NTM: variants seen among roughly 807,000 people sequenced by gnomAD.
NTM encodes the protein neurotrimin.
Under a neutral mutation model 42.1 loss-of-function variants are expected in NTM, and 13 were observed. That is an observed-to-expected ratio of 0.31 (90% CI 0.20 to 0.49). The LOEUF (loss-of-function observed/expected upper bound fraction) is 0.49, where lower values mean the gene tolerates loss of function less well. Ranked by LOEUF, NTM falls within the 20% of genes least tolerant of loss-of-function variation. NTM has a pLI of 0.99. For missense variants in NTM, 373 were observed against 452.8 expected, an observed-to-expected ratio of 0.82 and a Z score of 1.60; for synonymous variants, 187 against 179.2, an observed-to-expected ratio of 1.04 and a Z score of -0.35.
At chr11:132,018,725 A>G (rs1046097683) in intron 2 of NTM, among the ~76,000 whole-genome samples, 7 of 152,020 alleles carry the variant, frequency 4.6e-5, no homozygotes, top group Non-Finnish European at 8.8e-5. Context: ...GGATGACCCT[A>G]GACTCATGAA....
intron 1 of NTM, among the ~76,000 whole-genome samples, chr11:131,823,618 GA>G (rs923803223): frequency 5.9e-5 from 9 of 151,694 alleles, no homozygotes; most frequent in South Asian, 2.1e-4. Context: ...GTGTCTTGGG[GA>G]AAAAAAGGAA....
chr11:131,572,331 A>G (rs2057521535), intron 1 of NTM, among the ~76,000 whole-genome samples: 1 of 152,152 alleles, frequency 6.6e-6, no homozygotes, highest in South Asian at 2.1e-4. Flanking sequence ...TCCTTCTGAT[A>G]CAGAGAACAA....
intron 4 of NTM, among the ~76,000 whole-genome samples, chr11:132,214,659 T>G (rs1219570457): frequency 6.6e-6 from 1 of 152,192 alleles, no homozygotes; most frequent in African/African-American, 2.4e-5. Context: ...TGGGTTTGCC[T>G]GGCTGATGTT....
At chr11:131,865,347 T>G (rs114692798) in intron 1 of NTM, among the ~76,000 whole-genome samples, 3 of 152,284 alleles carry the variant, frequency 2.0e-5, no homozygotes, top group African/African-American at 7.2e-5. Context: ...GAGCATAATA[T>G]AAATCAATGT....
chr11:131,978,817 T>C (rs181094873), intron 2 of NTM, among the ~76,000 whole-genome samples: 9 of 152,214 alleles, frequency 5.9e-5, no homozygotes, highest in African/African-American at 2.2e-4. Context: ...AACTTCAGAT[T>C]TGAAATGCAT....
At chr11:132,314,897 AAAGAGAAAGAAC>A (rs2095385748) in intron 7 of NTM, 194 bp downstream of exon 7, 20 of 1,353,680 alleles carry the variant, frequency 1.5e-5, no homozygotes, top group Non-Finnish European at 1.9e-5. Flanking sequence ...AGGCAGACAG[AAAGAGAAAGAAC>A]AAGAGATACA....
intron 4 of NTM, among the ~76,000 whole-genome samples, chr11:132,294,748 C>G (rs570530893): frequency 1.3e-5 from 2 of 152,130 alleles, no homozygotes; most frequent in African/African-American, 2.4e-5. Flanking sequence ...TTTTTCCTTG[C>G]CTGTCCCAGG....
At chr11:132,283,758 G>T (rs1228949609) in intron 4 of NTM, among the ~76,000 whole-genome samples, 1 of 152,164 alleles carries the variant, frequency 6.6e-6, no homozygotes, top group African/African-American at 2.4e-5. Flanking sequence ...GGATAGGAGG[G>T]GAGGCTAAGA....
At chr11:132,135,922 C>A (rs1175632329) in intron 2 of NTM, among the ~76,000 whole-genome samples, 1 of 152,162 alleles carries the variant, frequency 6.6e-6, no homozygotes, top group Non-Finnish European at 1.5e-5. Flanking sequence ...GGGAGCTTTC[C>A]TCTTTCTGGG....
At chr11:131,894,424 C>G (rs940642176) in intron 1 of NTM, among the ~76,000 whole-genome samples, 2 of 152,192 alleles carry the variant, frequency 1.3e-5, no homozygotes, top group Non-Finnish European at 2.9e-5. Flanking sequence ...TTTATGAGCT[C>G]TGCAAAACTG....
intron 3 of NTM, among the ~76,000 whole-genome samples, chr11:132,188,670 G>A (rs952125111): frequency 6.6e-6 from 1 of 152,188 alleles, no homozygotes; most frequent in African/African-American, 2.4e-5. Context: ...GTGCAATGTT[G>A]TTGCAAACAG....
At chr11:131,633,792 A>T (rs1341645119) in intron 1 of NTM, among the ~76,000 whole-genome samples, 2 of 110,918 alleles carry the variant, frequency 1.8e-5, no homozygotes, top group African/African-American at 6.9e-5. Context: ...TCTCTCTCAC[A>T]CACACACACA....
At chr11:132,203,244 A>C (rs1043616900) in intron 3 of NTM, among the ~76,000 whole-genome samples, 5 of 152,318 alleles carry the variant, frequency 3.3e-5, no homozygotes, top group African/African-American at 1.2e-4. Context: ...TACTGCACTA[A>C]AAATCTCTAT....
intron 1 of NTM, among the ~76,000 whole-genome samples, chr11:131,391,263 G>C (rs1046146936): frequency 6.6e-6 from 1 of 152,028 alleles, no homozygotes; most frequent in Non-Finnish European, 1.5e-5. Flanking sequence ...TTCTCACGCA[G>C]CCTCTCCGCC....
intron 4 of NTM, among the ~76,000 whole-genome samples, chr11:132,216,659 A>T (rs1339108765): frequency 6.6e-6 from 1 of 152,190 alleles, no homozygotes; most frequent in African/African-American, 2.4e-5. Context: ...TTTGCATCTC[A>T]CTTCTCTTTG....
chr11:132,199,801 C>T (rs540518523), intron 3 of NTM, among the ~76,000 whole-genome samples: 3 of 151,540 alleles, frequency 2.0e-5, no homozygotes, highest in Non-Finnish European at 2.9e-5. Flanking sequence ...CTAGCTTCCT[C>T]TGTAGCCTTT....
intron 2 of NTM, among the ~76,000 whole-genome samples, chr11:132,129,101 C>T (rs1443523625): frequency 6.6e-6 from 1 of 151,868 alleles, no homozygotes; most frequent in Non-Finnish European, 1.5e-5. Flanking sequence ...GTGTAGTTTG[C>T]AAAAGATGTG....
At chr11:131,720,105 A>G (rs2078160611) in intron 1 of NTM, among the ~76,000 whole-genome samples, 1 of 152,208 alleles carries the variant, frequency 6.6e-6, no homozygotes, top group Non-Finnish European at 1.5e-5. Flanking sequence ...GGCTACAGAT[A>G]CTACTGTTTT....
At position 132,089,047 on chromosome 11, in the gene NTM, T is replaced by C. The variant is rs532834422; in HGVS notation, c.168-57235T>C. Among the ~76,000 whole-genome samples, 4 of 152,276 alleles carry C rather than the reference T, an allele frequency of 2.6e-5. No homozygotes were observed. The South Asian group carries it at 8.3e-4, about 32-fold the overall frequency. ...TTGATGAGAGGAATGAGCAGGAGTG[T>C]TGTAGCAGTAGAGAAAGACTTTCTG... On this transcript the variant is annotated intron_variant, in intron 2 of 8. Transcript: ENST00000683400.
Sources: allele counts gnomAD v4.1 joint callset (sites outside exome capture counted in the v4.1 genomes callset), GRCh38; gene constraint gnomAD v4.1.1; transcripts MANE v1.5; gene names NCBI Gene and HGNC (gene_info 2026-07-23, HGNC 2026-07-21).